Variants in SEMA5A observed in about 807,000 individuals in gnomAD.
The protein encoded by SEMA5A is semaphorin 5A.
SEMA5A carries 55 observed loss-of-function variants against 135.5 expected under a neutral mutation model. The observed-to-expected ratio is 0.41, with a 90% CI of 0.33 to 0.51. The LOEUF (loss-of-function observed/expected upper bound fraction) is 0.51. Ranked by LOEUF, SEMA5A falls within the 20% of genes least tolerant of loss-of-function variation. SEMA5A has a pLI of 0.37. For synonymous variants in SEMA5A, 580 were observed against 546.5 expected (o/e 1.06, Z -0.85); for missense variants, 1,290 against 1,419.9 (o/e 0.91, Z 1.47).
Position 9,049,151 on chromosome 5 carries a change from A to ATTATTTATTTATTTAT in SEMA5A, c.2893+1243_2893+1258dup, listed in dbSNP as rs3063993. ...AATGTCACAGATAGTGAGCTCTTCTATTATTTATTTATTTATTTATTTATT... is the reference window on the plus strand; with the variant it reads ...AATGTCACAGATAGTGAGCTCTTCTATTATTTATTTATTTATTTATTTATTTATTTATTTATTTATT... On this transcript the variant is annotated intron_variant, in intron 21 of 22. Transcript: ENST00000382496. Among the ~76,000 whole-genome samples, 431 of 149,272 alleles carry ATTATTTATTTATTTAT rather than the reference A, an allele frequency of 2.9e-3. 3 individuals are homozygous for ATTATTTATTTATTTAT. Among genetic ancestry groups the ATTATTTATTTATTTAT allele is most frequent in the East Asian group, 0.019 (94 of 5,026 alleles).
intron 1 of SEMA5A, among the ~76,000 whole-genome samples, chr5:9,492,317 T>A (rs1465573966): frequency 6.6e-6 from 1 of 152,164 alleles, no homozygotes; most frequent in East Asian, 1.9e-4. Flanking sequence ...AAAAGAAAAC[T>A]AACGTTCAGA....
intron 13 of SEMA5A, among the ~76,000 whole-genome samples, chr5:9,124,115 G>A (rs1366739437): frequency 6.6e-6 from 1 of 152,100 alleles, no homozygotes; most frequent in South Asian, 2.1e-4. Flanking sequence ...GCAACACCAA[G>A]GACTGAGGAG....
intron 5 of SEMA5A, among the ~76,000 whole-genome samples, chr5:9,246,052 A>G (rs946483724): frequency 6.0e-5 from 9 of 151,240 alleles, no homozygotes; most frequent in African/African-American, 2.2e-4. Context: ...TAAAACCATG[A>G]TTGTCAGACC....
At chr5:9,377,004 A>G (rs1755390032) in intron 3 of SEMA5A, among the ~76,000 whole-genome samples, 1 of 152,132 alleles carries the variant, frequency 6.6e-6, no homozygotes, top group Non-Finnish European at 1.5e-5. Context: ...TCACTGAAAC[A>G]CTATCCATGG....
chr5:9,217,858 T>C (rs897773885), intron 8 of SEMA5A, among the ~76,000 whole-genome samples: 1 of 152,226 alleles, frequency 6.6e-6, no homozygotes, highest in Non-Finnish European at 1.5e-5. Context: ...AGTTCTTTTT[T>C]ATATGGGCTA....
chr5:9,044,317 C>T lies in SEMA5A; in HGVS notation c.3105+56G>A. 7 of 1,425,510 alleles carry T rather than the reference C, an allele frequency of 4.9e-6. No homozygotes were observed. In the South Asian group the frequency reaches 8.1e-5, roughly 17 times the overall value. 88.3% of individuals were successfully genotyped at this position (1,425,510 alleles called of 1,614,324 possible). ...AGCAGAGAAAGGGCATCAAAATACT[C>T]CCTACAAGTGTTAAGGAAAACCAGG... On this transcript the variant is annotated intron_variant, in intron 22 of 22. Transcript: ENST00000382496.
chr5:9,049,350 TG>T (rs1736443289), intron 21 of SEMA5A, among the ~76,000 whole-genome samples: 1 of 152,116 alleles, frequency 6.6e-6, no homozygotes, highest in South Asian at 2.1e-4. Context: ...TTGGTACAGA[TG>T]GCATTTCGTC....
chr5:9,432,791 C>T (rs1349089227), intron 2 of SEMA5A, among the ~76,000 whole-genome samples: 3 of 152,196 alleles, frequency 2.0e-5, no homozygotes, highest in African/African-American at 4.8e-5. Flanking sequence ...CTTTGATACC[C>T]ACCATGTAAC....
intron 13 of SEMA5A, among the ~76,000 whole-genome samples, 180 bp from the exon 14 acceptor site, chr5:9,123,017 G>A (rs1483275812): frequency 6.6e-6 from 1 of 152,022 alleles, no homozygotes; most frequent in African/African-American, 2.4e-5. Context: ...CACTTCAGGA[G>A]GCCGAGACGG....
chr5:9,245,513 C>T (rs564108013), intron 5 of SEMA5A, among the ~76,000 whole-genome samples: 6 of 152,132 alleles, frequency 3.9e-5, no homozygotes, highest in Admixed American at 3.9e-4. Flanking sequence ...GTTTTGGTTG[C>T]CTGCTTTTGA....
At chr5:9,097,074 T>G (rs920944388) in intron 16 of SEMA5A, among the ~76,000 whole-genome samples, 6 of 152,140 alleles carry the variant, frequency 3.9e-5, no homozygotes, top group African/African-American at 1.4e-4. Flanking sequence ...ATATACACGA[T>G]AAAATTTACT....
At chr5:9,529,830 A>C (rs1737345145) in intron 1 of SEMA5A, among the ~76,000 whole-genome samples, 1 of 152,204 alleles carries the variant, frequency 6.6e-6, no homozygotes, top group Admixed American at 6.5e-5. Flanking sequence ...CTTTTTGGCA[A>C]CCTGAGCTAT....
Position 9,142,176 on chromosome 5 carries a change from A to G in SEMA5A, c.1482-5555T>C, listed in dbSNP as rs909319720. ...TTGCAAAGGAAGAATTCAAAGGGCC[A>G]TAAGAGTCTGGTGAATCCCCACTTC... On this transcript the variant is annotated intron_variant, in intron 12 of 22. Transcript: ENST00000382496. 3.3e-5 allele frequency among the ~76,000 whole-genome samples: 5 copies of G among 152,272 alleles called. No homozygotes were observed. In the East Asian group the frequency reaches 5.8e-4, roughly 18 times the overall value.
intron 1 of SEMA5A, among the ~76,000 whole-genome samples, chr5:9,478,810 G>A (rs1394169779): frequency 1.3e-5 from 2 of 152,190 alleles, no homozygotes; most frequent in African/African-American, 2.4e-5. Flanking sequence ...ATACTGGAAT[G>A]AGTTAAGACT....
At chr5:9,165,014 C>T (rs142121881) in intron 11 of SEMA5A, among the ~76,000 whole-genome samples, 1,801 of 152,284 alleles carry the variant, frequency 0.012, 14 homozygotes, top group South Asian at 0.02. Context: ...CTTCTATCAT[C>T]ATGAGTGCAT....
In SEMA5A at chr5:9,381,692, G is replaced by A. The variant is rs80138452; in HGVS notation, c.-77-1669C>T. On this transcript the variant is annotated intron_variant, in intron 2 of 22. Coordinates refer to ENST00000382496, the MANE Select transcript of SEMA5A (RefSeq NM_003966.3). Reference sequence around the variant, plus strand: ...GCCATGAGTAAAGCTGAAACCCATTGAGTAATTTCAGTAGATACTATGAGA... The same window carrying A: ...GCCATGAGTAAAGCTGAAACCCATTAAGTAATTTCAGTAGATACTATGAGA... Among the ~76,000 whole-genome samples, 522 of 152,284 alleles carry A rather than the reference G, an allele frequency of 3.4e-3. 5 individuals are homozygous for A. The highest frequency in any genetic ancestry group is 0.012 in the African/African-American group (509 of 41,564).
intron 1 of SEMA5A, among the ~76,000 whole-genome samples, chr5:9,539,896 C>T (rs115770475): frequency 0.014 from 2,177 of 152,260 alleles, 31 homozygotes; most frequent in South Asian, 0.03. Context: ...AATATGCAGT[C>T]CCTCTCCCAA....
intron 8 of SEMA5A, among the ~76,000 whole-genome samples, chr5:9,210,278 G>T (rs1176766310): frequency 3.3e-5 from 5 of 152,130 alleles, no homozygotes; most frequent in African/African-American, 7.2e-5. Context: ...AGGACCTGTG[G>T]CTCCCCAGCT....
intron 13 of SEMA5A, among the ~76,000 whole-genome samples, chr5:9,125,131 G>A (rs981905555): frequency 5.3e-5 from 8 of 152,058 alleles, no homozygotes; most frequent in South Asian, 2.1e-4. Context: ...AAAAGTGTTC[G>A]TTGTTTTTGA....
Sources: allele counts gnomAD v4.1 joint callset (sites outside exome capture counted in the v4.1 genomes callset), GRCh38; gene constraint gnomAD v4.1.1; transcripts MANE v1.5; gene names NCBI Gene and HGNC (gene_info 2026-07-23, HGNC 2026-07-21).